Variants in SRPK2 observed in about 807,000 individuals in gnomAD.
The protein encoded by SRPK2 is SFRS protein kinase 2.
SRPK2 carries 21 observed loss-of-function variants against 90.8 expected under a neutral mutation model. The ratio of observed to expected loss-of-function variants is 0.23; its 90% CI spans 0.16 to 0.33. The LOEUF is 0.33. SRPK2 is among the 10% of genes least tolerant of loss of function. SRPK2 has a pLI of 1.00. For missense variants in SRPK2, 620 were observed against 869.0 expected (o/e 0.71, Z 3.60); for synonymous variants, 288 against 311.1 (o/e 0.93, Z 0.78).
chr7:105,255,122 C>A (rs1169740710), intron 2 of SRPK2, among the ~76,000 whole-genome samples: 4 of 68,302 alleles, frequency 5.9e-5, no homozygotes, highest in African/African-American at 1.4e-4. Context: ...AATAAATAAG[C>A]ATTTAAGATA....
intron 2 of SRPK2, among the ~76,000 whole-genome samples, chr7:105,378,367 CAGTA>C (rs1366769532): frequency 6.6e-6 from 1 of 152,084 alleles, no homozygotes; most frequent in Non-Finnish European, 1.5e-5. Flanking sequence ...TTTTATAAAT[CAGTA>C]AGAAAAACTT....
chr7:105,196,307 A>C (rs1439401410), intron 3 of SRPK2, among the ~76,000 whole-genome samples: 1 of 152,254 alleles, frequency 6.6e-6, no homozygotes, highest in Admixed American at 6.5e-5. Flanking sequence ...GATTTTAAGT[A>C]AAAGAACTGT....
intron 2 of SRPK2, among the ~76,000 whole-genome samples, chr7:105,263,751 A>C (rs1400375008): frequency 3.9e-5 from 6 of 152,036 alleles, no homozygotes; most frequent in Non-Finnish European, 8.8e-5. Context: ...CACACACACA[A>C]AACAAACAAA....
intron 2 of SRPK2, among the ~76,000 whole-genome samples, chr7:105,275,011 C>T (rs547952673): frequency 1.4e-4 from 22 of 152,200 alleles, no homozygotes; most frequent in Non-Finnish European, 2.5e-4. Context: ...CCTCAGCCTC[C>T]GGGATAGCTG....
At chr7:105,363,791 C>G (rs1818704754) in intron 2 of SRPK2, among the ~76,000 whole-genome samples, 1 of 152,170 alleles carries the variant, frequency 6.6e-6, no homozygotes, top group East Asian at 1.9e-4. Flanking sequence ...ACCCAAATGT[C>G]CATCAATGAT....
chr7:105,228,935 C>A (rs1799074884), intron 2 of SRPK2, among the ~76,000 whole-genome samples: 1 of 152,102 alleles, frequency 6.6e-6, no homozygotes, highest in African/African-American at 2.4e-5. Context: ...GTGAAGAGGC[C>A]GAGAAAAGCC....
intron 3 of SRPK2, among the ~76,000 whole-genome samples, chr7:105,178,463 A>C (rs1309210622): frequency 6.6e-6 from 1 of 152,210 alleles, no homozygotes; most frequent in Non-Finnish European, 1.5e-5. Flanking sequence ...AGACTGCTCT[A>C]GAGGAAAAAC....
intron 2 of SRPK2, among the ~76,000 whole-genome samples, chr7:105,310,557 T>C (rs1811592328): frequency 6.6e-6 from 1 of 151,988 alleles, no homozygotes; most frequent in Non-Finnish European, 1.5e-5. Context: ...GGAGAGAGGA[T>C]TGTTTGAGCC....
intron 2 of SRPK2, among the ~76,000 whole-genome samples, chr7:105,210,158 T>C (rs1276794359): frequency 1.3e-5 from 2 of 152,208 alleles, no homozygotes; most frequent in Non-Finnish European, 2.9e-5. Context: ...AAATAAACTC[T>C]ACATTTAGTA....
At chr7:105,310,661 A>G (rs1211820661) in intron 2 of SRPK2, among the ~76,000 whole-genome samples, 1 of 152,052 alleles carries the variant, frequency 6.6e-6, no homozygotes, top group Non-Finnish European at 1.5e-5. Context: ...ATAAATAAAT[A>G]AATAAATAAA....
At chr7:105,319,617 G>A (rs1035586467) in intron 2 of SRPK2, among the ~76,000 whole-genome samples, 4 of 147,962 alleles carry the variant, frequency 2.7e-5, no homozygotes, top group Admixed American at 7.0e-5. Flanking sequence ...GAAGGACTCC[G>A]TACTTCAATA....
intron 2 of SRPK2, among the ~76,000 whole-genome samples, chr7:105,364,405 G>GTTTTTTTTGTTT (rs1554523238): frequency 7.5e-6 from 1 of 133,906 alleles, no homozygotes; most frequent in East Asian, 2.8e-4. Context: ...CGTGTGTAAC[G>GTTTTTTTTGTTT]TTTTTTTTTT....
chr7:105,284,463 T>A (rs1807789356), intron 2 of SRPK2, among the ~76,000 whole-genome samples: 1 of 152,154 alleles, frequency 6.6e-6, no homozygotes, highest in Non-Finnish European at 1.5e-5. Context: ...TACAAAGAAA[T>A]CCTACTTTTA....
intron 2 of SRPK2, among the ~76,000 whole-genome samples, chr7:105,330,030 G>A (rs2131671382): frequency 6.6e-6 from 1 of 152,056 alleles, no homozygotes; most frequent in African/African-American, 2.4e-5. Context: ...GCGAGACTCT[G>A]TCTCAAAAAA....
At chr7:105,254,335 G>A (rs1287581042) in intron 2 of SRPK2, among the ~76,000 whole-genome samples, 1 of 152,196 alleles carries the variant, frequency 6.6e-6, no homozygotes, top group Non-Finnish European at 1.5e-5. Flanking sequence ...TTTCAAGTGA[G>A]GGTGTAAGTT....
chr7:105,149,313 G>C (rs981275562), intron 7 of SRPK2, among the ~76,000 whole-genome samples: 2 of 152,188 alleles, frequency 1.3e-5, no homozygotes, highest in South Asian at 2.1e-4. Flanking sequence ...AGATGTTTGG[G>C]TGGAGAGAAA....
At chr7:105,139,121 C>T (rs903220913) in intron 11 of SRPK2, among the ~76,000 whole-genome samples, 1 of 152,196 alleles carries the variant, frequency 6.6e-6, no homozygotes, top group African/African-American at 2.4e-5. Context: ...ACACTCTCCA[C>T]TGTGGAGACC....
At chr7:105,151,807 T>C (rs1160334433) in intron 7 of SRPK2, among the ~76,000 whole-genome samples, 1 of 152,068 alleles carries the variant, frequency 6.6e-6, no homozygotes, top group Non-Finnish European at 1.5e-5. Context: ...GTGGATCACC[T>C]GAGGTCTGGA....
At chr7:105,253,379 A>AGGAAAATGT (rs1802758186) in intron 2 of SRPK2, among the ~76,000 whole-genome samples, 2 of 152,358 alleles carry the variant, frequency 1.3e-5, no homozygotes, top group East Asian at 3.9e-4. Context: ...TCATGCCCAC[A>AGGAAAATGT]GGAAAATGTG....
Sources: gnomAD v4.1 joint callset for allele counts (sites outside exome capture counted in the v4.1 genomes callset) on GRCh38, gnomAD v4.1.1 for gene constraint, MANE v1.5 for transcripts, NCBI Gene and HGNC (gene_info 2026-07-23, HGNC 2026-07-21) for gene names.